MRPS18A: variants seen among roughly 807,000 people sequenced by gnomAD.
MRPS18A encodes the protein mitochondrial ribosomal protein S18A.
Under a neutral mutation model 22.7 loss-of-function variants are expected in MRPS18A, and 20 were observed. That is an observed-to-expected ratio of 0.88 (90% confidence interval 0.62 to 1.28). The LOEUF (loss-of-function observed/expected upper bound fraction) is 1.28. Ranked by LOEUF, MRPS18A falls within the 50% of genes most tolerant of loss-of-function variation. MRPS18A has a pLI of 0.00. For missense variants in MRPS18A, 294 were observed against 262.6 expected (o/e 1.12, Z -0.83); for synonymous variants, 106 against 99.1 (o/e 1.07, Z -0.41).
At position 43,675,525 on chromosome 6, in the gene MRPS18A, G is replaced by A. The variant is rs772047306; in HGVS notation, c.345C>T (p.Ile115=). 10 of 1,614,142 alleles carry A rather than the reference G, an allele frequency of 6.2e-6. No homozygotes were observed. The Admixed American group carries it at 8.3e-5, about 13-fold the overall frequency. Residue 115 remains isoleucine, a synonymous_variant, in exon 4 of 6, where the codon ATC becomes ATT. Coordinates refer to ENST00000372133, the MANE Select transcript of MRPS18A (RefSeq NM_018135.4). ...GGTGGGCCATCTTCACACACTCCTC[G>A]ATCTTGCGGTGTTCTTCCTGGCATA... is the stretch of plus-strand genomic sequence containing the variant. The part of the protein sequence containing the change: ...TGLCQEEHRK[I]EECVKMAHRA...
chr6:43,683,827 T>C (rs1774541648), intron 1 of MRPS18A, among the ~76,000 whole-genome samples: 1 of 152,208 alleles, frequency 6.6e-6, no homozygotes, highest in Non-Finnish European at 1.5e-5. Flanking sequence ...CCACAGTCTT[T>C]GCCCTAGAGG....
Position 43,671,594 on chromosome 6 carries a change from G to T in MRPS18A, c.*168C>A. 1.3e-6 allele frequency: 1 copy of T among 758,162 alleles called. No homozygotes were observed. Among genetic ancestry groups the T allele is most frequent in the Non-Finnish European group, 2.1e-6 (1 of 467,126 alleles). 47.0% of individuals were successfully genotyped at this position (758,162 alleles called of 1,614,324 possible). A position where few individuals can be genotyped will look rare whatever the true frequency, so the allele number is the denominator to read the frequency against. The stretch of plus-strand genomic sequence containing the variant: ...TAGCTCCCAGCATTGCTACTGTGCA[G>T]GCCAAGGGTACTGAAGTTAGTCCCA... On this transcript the variant is annotated 3_prime_UTR_variant, in exon 6 of 6. Transcript: ENST00000372133.
chr6:43,671,695 G>A lies in MRPS18A; in HGVS notation c.*67C>T. The A allele has an allele frequency of 3.1e-6, 5 of 1,587,992 alleles. No homozygotes were observed. Among genetic ancestry groups the A allele is most frequent in the South Asian group, 2.2e-5 (2 of 90,126 alleles). On this transcript the variant is annotated 3_prime_UTR_variant, in exon 6 of 6. Coordinates refer to ENST00000372133, the MANE Select transcript of MRPS18A (RefSeq NM_018135.4). ...GGACAGGAGTATAGTTGTGGCCAAG[G>A]GCTTGTGAGTGGGCCTCCTACTCCC...
intron 5 of MRPS18A, chr6:43,672,108 C>T: frequency 1.5e-6 from 1 of 653,468 alleles, no homozygotes; most frequent in Non-Finnish European, 2.6e-6. Flanking sequence ...CTTGCTGCCG[C>T]AAGCCTGTGT....
Position 43,673,524 on chromosome 6 carries a change from C to T in MRPS18A, c.447-1618G>A, listed in dbSNP as rs1391541195. Among the ~76,000 whole-genome samples, 2 of 152,238 alleles carry T rather than the reference C, an allele frequency of 1.3e-5. No individual in the cohort carries two copies. The highest frequency in any genetic ancestry group is 3.9e-4 in the East Asian group (2 of 5,194). Reference sequence around the variant, plus strand: ...CCATGCCTTGGAGAGGGAAGCTGGGCTTTAGCTGGCCTTGGGCCTGATGCC... The same window carrying T: ...CCATGCCTTGGAGAGGGAAGCTGGGTTTTAGCTGGCCTTGGGCCTGATGCC... On this transcript the variant is annotated intron_variant, in intron 5 of 5. Transcript: ENST00000372133. The surrounding 1 kb of genome is among the most constrained non-coding windows in gnomAD (Gnocchi z 4.2).
At chr6:43,677,262 G>A (rs575008463) in intron 3 of MRPS18A, among the ~76,000 whole-genome samples, 6 of 152,162 alleles carry the variant, frequency 3.9e-5, no homozygotes, top group African/African-American at 1.4e-4. Flanking sequence ...TACTCCAGGC[G>A]GCCATCAGGA....
intron 1 of MRPS18A, among the ~76,000 whole-genome samples, chr6:43,681,468 G>A (rs2236347): frequency 0.036 from 5,485 of 152,336 alleles, 215 homozygotes; most frequent in East Asian, 0.2. Context: ...ATAAAAGAGG[G>A]TGGGGTAGTG....
rs564588953 is a variant in MRPS18A at position 43,684,920 on chromosome 6, T to G, written c.112+2748A>C. ...GGCTCTAAGAGGGATAAGGGAGGAA[T>G]GAGATCCAACACAGTCTTTGCTAAA... On this transcript the variant is annotated intron_variant, in intron 1 of 5. Coordinates refer to ENST00000372133, the MANE Select transcript of MRPS18A (RefSeq NM_018135.4). Among the ~76,000 whole-genome samples the G allele has an allele frequency of 2.0e-5, 3 of 152,298 alleles. No homozygotes were observed. In the South Asian group the frequency reaches 6.2e-4, roughly 32 times the overall value.
At chr6:43,677,802 A>G (rs936097722) in intron 3 of MRPS18A, among the ~76,000 whole-genome samples, 1 of 152,190 alleles carries the variant, frequency 6.6e-6, no homozygotes, top group African/African-American at 2.4e-5. Context: ...GAATTAAAAC[A>G]GGTAAGTACT....
At chr6:43,681,248 C>G in intron 1 of MRPS18A, 128 bp from the exon 2 acceptor site, 1 of 966,460 alleles carries the variant, frequency 1.0e-6, no homozygotes, top group Non-Finnish European at 1.6e-6. Flanking sequence ...ATGGTCTCCA[C>G]CTAGAACAGA....
At position 43,675,226 on chromosome 6, in the gene MRPS18A, G is replaced by A. The variant is rs35480020; in HGVS notation, c.422C>T (p.Pro141Leu). 1.4e-5 allele frequency: 21 copies of A among 1,521,650 alleles called. No homozygotes were observed. Among genetic ancestry groups the A allele is most frequent in the Middle Eastern group, 1.8e-4 (1 of 5,534 alleles). 94.3% of individuals were successfully genotyped at this position (1,521,650 alleles called of 1,614,324 possible). Reference protein sequence around the residue: ...HRPRLPEGVVPKSKPQLNRYL... With the variant: ...HRPRLPEGVVLKSKPQLNRYL... ...CCGGTTGAGTTGGGGTTTGCTCTTC[G>A]GAACAACTCCTTCAGGAAGCCGAGG... Residue 141 changes from proline to leucine, a missense_variant, in exon 5 of 6, where the codon CCG becomes CTG. By Grantham distance (98) the Pro-to-Leu change is moderately conservative. Coordinates refer to ENST00000372133, the MANE Select transcript of MRPS18A (RefSeq NM_018135.4).
chr6:43,678,163 GAAAAAATGCTCAGGCCCCAC>G (rs1774165808), intron 3 of MRPS18A, among the ~76,000 whole-genome samples: 1 of 152,024 alleles, frequency 6.6e-6, no homozygotes, highest in African/African-American at 2.4e-5. Flanking sequence ...GGAGAGCATT[GAAAAAATGCTCAGGCCCCAC>G]CCCCCGAGGC....
intron 1 of MRPS18A, among the ~76,000 whole-genome samples, chr6:43,686,111 C>T (rs1774680906): frequency 6.6e-6 from 1 of 152,178 alleles, no homozygotes; most frequent in Admixed American, 6.5e-5. Context: ...GCTTACAGTC[C>T]ATCATTTCAC....
chr6:43,676,674 G>A (rs888908472), intron 3 of MRPS18A, among the ~76,000 whole-genome samples: 1 of 152,226 alleles, frequency 6.6e-6, no homozygotes, highest in Non-Finnish European at 1.5e-5. Context: ...AGACCCCGCT[G>A]TCATAGAATG....
intron 5 of MRPS18A, chr6:43,672,490 C>T (rs553403051): frequency 2.1e-6 from 1 of 465,884 alleles, no homozygotes; most frequent in Non-Finnish European, 4.5e-6. Context: ...CGCCCATGGA[C>T]CTTTGGCCTC....
In MRPS18A at chr6:43,678,524, G is replaced by C. The variant is rs1774198107; in HGVS notation, c.246C>G (p.Asn82Lys). 1 of 1,608,864 alleles carries C rather than the reference G, an allele frequency of 6.2e-7. No individual in the cohort carries two copies. The highest frequency in any genetic ancestry group is 8.5e-7 in the Non-Finnish European group (1 of 1,175,480). Residue 82 changes from asparagine (N) to lysine (K), a missense_variant, in exon 3 of 6, where the codon AAC becomes AAG. Physicochemically the swap from Asn to Lys is moderately conservative, Grantham distance 94. Transcript: ENST00000372133. ...ICRWNLKHKY[N>K]YDDVLLLSQF... is the part of the protein sequence containing the mutation. ...TCTCTGTACCCAGACTCACGTCATA[G>C]TTATACTTGTGCTTCAGGTTCCAAC...
chr6:43,687,737 G>C lies in MRPS18A; in HGVS notation c.43C>G (p.Leu15Val), dbSNP rs763851788. The C allele has an allele frequency of 1.9e-6, 3 of 1,587,472 alleles. No individual in the cohort carries two copies. The Admixed American group carries it at 5.4e-5, about 29-fold the overall frequency. The change falls in exon 1 of 6, where the codon CTC (leucine) becomes GTC (valine). Residue 15 changes from leucine to valine, a missense_variant. Physicochemically the swap from Leu to Val is conservative, Grantham distance 32. Transcript: ENST00000372133. ...GCCGGGCCCGCTAGTAGCCCACGGA[G>C]AAGCCGCCCACAGCCGGACACCAGA... ...KALVSGCGRLLRGLLAGPAAT... is the reference protein window; with the variant it reads ...KALVSGCGRLVRGLLAGPAAT...
chr6:43,687,626 G>A (rs780714635), intron 1 of MRPS18A, 42 bp downstream of exon 1: 2 of 1,458,978 alleles, frequency 1.4e-6, no homozygotes, highest in Non-Finnish European at 1.9e-6. Flanking sequence ...AGTCTCTGCC[G>A]CTCTTCTTAA....
intron 3 of MRPS18A, among the ~76,000 whole-genome samples, chr6:43,677,792 G>T (rs1376462297): frequency 6.6e-6 from 1 of 152,138 alleles, no homozygotes; most frequent in Non-Finnish European, 1.5e-5. Flanking sequence ...AAAACTAAGT[G>T]AATTAAAACA....
Sources: gnomAD v4.1 joint callset for allele counts (sites outside exome capture counted in the v4.1 genomes callset) on GRCh38, gnomAD v4.1.1 for gene constraint, Gnocchi (gnomAD v3.1) non-coding constraint, MANE v1.5 for transcripts, NCBI Gene and HGNC (gene_info 2026-07-23, HGNC 2026-07-21) for gene names.